The following SUCLG2 variants were observed in gnomAD, a reference collection of about 807,000 sequenced individuals.
SUCLG2 encodes succinate--CoA ligase [GDP-forming] subunit beta, mitochondrial.
In SUCLG2, 42 loss-of-function variants were observed where a neutral mutation model predicts 47.9. The observed-to-expected ratio is 0.88, with a 90% CI of 0.69 to 1.14. The LOEUF (loss-of-function observed/expected upper bound fraction) is 1.14. Ranked by LOEUF, SUCLG2 falls within the 50% of genes most tolerant of loss-of-function variation. SUCLG2 has a pLI of 0.00. For synonymous variants in SUCLG2, 195 were observed against 197.3 expected, an observed-to-expected ratio of 0.99 and a Z score of 0.10; for missense variants, 571 against 525.9, an observed-to-expected ratio of 1.09 and a Z score of -0.84.
chr3:67,371,052 C>T (rs1221754822), downstream of SUCLG2, among the ~76,000 whole-genome samples: 2 of 152,154 alleles, frequency 1.3e-5, no homozygotes, highest in East Asian at 3.8e-4. Context: ...TCCAAATCTT[C>T]TAGTTTCTCC....
intron 9 of SUCLG2, among the ~76,000 whole-genome samples, chr3:67,423,136 G>A (rs184090822): frequency 2.0e-5 from 3 of 152,242 alleles, no homozygotes; most frequent in Admixed American, 6.5e-5. Flanking sequence ...TTGGGACCAG[G>A]TGGATGTAAT....
intron 3 of SUCLG2, 106 bp downstream of exon 3, chr3:67,528,981 C>T: frequency 4.5e-6 from 4 of 881,788 alleles, no homozygotes; most frequent in Non-Finnish European, 7.0e-6. Context: ...TTGCTTTGGC[C>T]CGCTCCTACC....
chr3:67,572,737 C>T (rs1315985868), intron 2 of SUCLG2, among the ~76,000 whole-genome samples: 1 of 152,050 alleles, frequency 6.6e-6, no homozygotes, highest in Non-Finnish European at 1.5e-5. Context: ...ATTAATGCTA[C>T]TCCCCTAAGA....
At chr3:67,413,722 C>T (rs1252897917) in intron 9 of SUCLG2, among the ~76,000 whole-genome samples, 1 of 152,190 alleles carries the variant, frequency 6.6e-6, no homozygotes, top group African/African-American at 2.4e-5. Flanking sequence ...TGAGCAGCAT[C>T]CAGTAAAGAC....
intron 10 of SUCLG2, among the ~76,000 whole-genome samples, chr3:67,366,187 C>T (rs1215419212): frequency 3.9e-5 from 6 of 152,006 alleles, no homozygotes; most frequent in Middle Eastern, 3.2e-3. Context: ...CTTGGTCGGG[C>T]GCAGTGGCTC....
At chr3:67,631,501 C>T (rs1700925420) in intron 1 of SUCLG2, among the ~76,000 whole-genome samples, 1 of 152,054 alleles carries the variant, frequency 6.6e-6, no homozygotes, top group African/African-American at 2.4e-5. Context: ...GGTGGATACG[C>T]CTGTAATCCC....
At chr3:67,360,847 A>G in intron 10 of SUCLG2, 4 of 1,164,154 alleles carry the variant, frequency 3.4e-6, no homozygotes, top group Middle Eastern at 2.7e-4. Flanking sequence ...TGGTATTCCT[A>G]AGATCCTGTT....
At chr3:67,457,579 GTTAT>G (rs1167914851) in intron 9 of SUCLG2, among the ~76,000 whole-genome samples, 2 of 147,006 alleles carry the variant, frequency 1.4e-5, no homozygotes, top group South Asian at 2.2e-4. Context: ...GGATAGTGGT[GTTAT>G]TTAAACTAAG....
chr3:67,628,756 G>A (rs987593404), intron 1 of SUCLG2, among the ~76,000 whole-genome samples: 24 of 152,278 alleles, frequency 1.6e-4, no homozygotes, highest in African/African-American at 5.8e-4. Context: ...CACCATGATT[G>A]TGAGGCCTCC....
At chr3:67,383,069 T>C (rs1165784885) in intron 10 of SUCLG2, among the ~76,000 whole-genome samples, 1 of 152,210 alleles carries the variant, frequency 6.6e-6, no homozygotes, top group Admixed American at 6.5e-5. Context: ...GAGGCAAAAC[T>C]TCTGCTATGT....
At chr3:67,556,456 T>C (rs1246236814) in intron 2 of SUCLG2, among the ~76,000 whole-genome samples, 2 of 152,180 alleles carry the variant, frequency 1.3e-5, no homozygotes, top group Non-Finnish European at 2.9e-5. Flanking sequence ...ATATGGGAGA[T>C]GTCTATATTG....
downstream of SUCLG2, among the ~76,000 whole-genome samples, chr3:67,371,292 G>C (rs1701949270): frequency 6.6e-6 from 1 of 152,152 alleles, no homozygotes; most frequent in Admixed American, 6.6e-5. Flanking sequence ...TGTGAAATTT[G>C]GCATAAGGTG....
intron 2 of SUCLG2, among the ~76,000 whole-genome samples, chr3:67,555,539 T>C (rs925704644): frequency 1.3e-5 from 2 of 152,164 alleles, no homozygotes; most frequent in African/African-American, 4.8e-5. Context: ...GAGAAATGGC[T>C]GATACCAGGG....
At chr3:67,635,207 A>C (rs375240701) in intron 1 of SUCLG2, among the ~76,000 whole-genome samples, 2 of 152,238 alleles carry the variant, frequency 1.3e-5, no homozygotes, top group South Asian at 4.1e-4. Context: ...TGTGCAAAAG[A>C]GGTAGGAACT....
At chr3:67,572,993 A>G (rs757434953) in intron 2 of SUCLG2, among the ~76,000 whole-genome samples, 3 of 152,236 alleles carry the variant, frequency 2.0e-5, no homozygotes, top group South Asian at 2.1e-4. Context: ...AAAATAAAAG[A>G]TACAAAGATC....
intron 1 of SUCLG2, among the ~76,000 whole-genome samples, chr3:67,624,880 C>CT (rs1260391106): frequency 1.3e-5 from 2 of 152,194 alleles, no homozygotes; most frequent in African/African-American, 4.8e-5. Context: ...GAAATACATA[C>CT]TGTCATTCAT....
chr3:67,407,725 T>C (rs962793418), intron 9 of SUCLG2, among the ~76,000 whole-genome samples: 1 of 152,214 alleles, frequency 6.6e-6, no homozygotes, highest in Non-Finnish European at 1.5e-5. Context: ...ATGAGGTTGA[T>C]AAAAATCAAG....
intron 6 of SUCLG2, among the ~76,000 whole-genome samples, chr3:67,515,445 T>C (rs972649298): frequency 3.3e-5 from 5 of 152,240 alleles, no homozygotes; most frequent in Admixed American, 1.3e-4. Flanking sequence ...GTAATTTTTA[T>C]GTAAAGCAAA....
At chr3:67,462,531 A>G (rs1704363007) in intron 9 of SUCLG2, among the ~76,000 whole-genome samples, 1 of 152,230 alleles carries the variant, frequency 6.6e-6, no homozygotes, top group Admixed American at 6.5e-5. Context: ...GGCTGAATGC[A>G]TGGAGGTTTC....
Sources: allele counts gnomAD v4.1 joint callset (sites outside exome capture counted in the v4.1 genomes callset), GRCh38; gene constraint gnomAD v4.1.1; transcripts MANE v1.5; gene names NCBI Gene and HGNC (gene_info 2026-07-23, HGNC 2026-07-21).